LMX1B: variants seen among roughly 807,000 people sequenced by gnomAD.
The protein encoded by LMX1B is LIM homeobox transcription factor 1 beta.
Under a neutral mutation model 51.4 loss-of-function variants are expected in LMX1B, and 12 were observed. The ratio of observed to expected loss-of-function variants is 0.23; its 90% CI spans 0.15 to 0.38. LMX1B has a LOEUF of 0.38. Ranked by LOEUF, LMX1B falls within the 10% of genes least tolerant of loss-of-function variation. The pLI is 1.00. For missense variants in LMX1B, 445 were observed against 571.1 expected (o/e 0.78, Z 2.25); for synonymous variants, 237 against 235.4 (o/e 1.01, Z -0.06).
intron 2 of LMX1B, among the ~76,000 whole-genome samples, chr9:126,666,194 C>T (rs1190322262): frequency 6.6e-6 from 1 of 152,230 alleles, no homozygotes; most frequent in Non-Finnish European, 1.5e-5. Context: ...TCACCACCTC[C>T]TGGGGGGCAG....
chr9:126,671,000 T>C (rs1310841319), intron 2 of LMX1B, among the ~76,000 whole-genome samples: 2 of 152,140 alleles, frequency 1.3e-5, no homozygotes, highest in Non-Finnish European at 2.9e-5. Context: ...CTGCCACCAC[T>C]GTGGTTGTCT....
chr9:126,689,435 G>A (rs1272290765), intron 2 of LMX1B, among the ~76,000 whole-genome samples: 2 of 152,232 alleles, frequency 1.3e-5, no homozygotes, highest in African/African-American at 4.8e-5. Flanking sequence ...GATGGGATGT[G>A]CACAGCGCTC....
At position 126,666,349 on chromosome 9, in the gene LMX1B, G is replaced by T. The variant is rs75456427; in HGVS notation, c.327-24487G>T. 2.1e-3 allele frequency among the ~76,000 whole-genome samples: 326 copies of T among 152,320 alleles called. 1 individual carries two copies. Among genetic ancestry groups the T allele is most frequent in the African/African-American group, 7.4e-3 (306 of 41,572 alleles). ...GAGGGGACAGGGAGAGCCAAGGCAC[G>T]GAGTTGAGGCCACGGACCTCAGAGT... On this transcript the variant is annotated intron_variant, in intron 2 of 7. Coordinates refer to ENST00000373474, the MANE Select transcript of LMX1B (RefSeq NM_001174147.2).
chr9:126,696,660 G>A lies in LMX1B; in HGVS notation c.*209G>A. The A allele has an allele frequency of 1.7e-6, 1 of 599,202 alleles. No homozygotes were observed. Among genetic ancestry groups the A allele is most frequent in the Non-Finnish European group, 2.9e-6 (1 of 339,484 alleles). The allele number at this position is 599,202 out of a possible 1,614,324, so 37.1% of individuals were successfully genotyped here. A position where few individuals can be genotyped will look rare whatever the true frequency, so the allele number is the denominator to read the frequency against. ...ACAGCCTGGGCAGGGGCTGTGTCCT[G>A]CCCACAGAGACCTTGTCATCCCCAG... is the stretch of plus-strand genomic sequence containing the variant. On this transcript the variant is annotated 3_prime_UTR_variant, in exon 8 of 8. Transcript: ENST00000373474.
chr9:126,622,495 G>A (rs1835434085), intron 2 of LMX1B, among the ~76,000 whole-genome samples: 1 of 152,184 alleles, frequency 6.6e-6, no homozygotes, highest in Admixed American at 6.5e-5. Context: ...GGCCGCCAGG[G>A]GTCCCTCCCC....
At chr9:126,629,523 A>C (rs959999705) in intron 2 of LMX1B, among the ~76,000 whole-genome samples, 4 of 152,162 alleles carry the variant, frequency 2.6e-5, no homozygotes, top group Non-Finnish European at 5.9e-5. Context: ...TGTCACGAGA[A>C]AACTTTCAGC....
chr9:126,696,098 T>C, intron 7 of LMX1B, 95 bp downstream of exon 7: 1 of 1,236,158 alleles, frequency 8.1e-7, no homozygotes. Flanking sequence ...CCTGCTGCCC[T>C]AGGGCTCAGG....
chr9:126,692,484 G>A (rs565263060), intron 3 of LMX1B, among the ~76,000 whole-genome samples: 5 of 152,344 alleles, frequency 3.3e-5, no homozygotes, highest in South Asian at 4.1e-4. Flanking sequence ...ACATGCTTCC[G>A]CACGCTGTGT....
rs1215978589 is a variant in LMX1B at position 126,700,095 on chromosome 9, A to G, written c.*3644A>G. 1 of 152,198 alleles carries G rather than the reference A, an allele frequency of 6.6e-6. No homozygotes were observed. The highest frequency in any genetic ancestry group is 1.5e-5 in the Non-Finnish European group (1 of 68,054). 9.4% of individuals were successfully genotyped at this position (152,198 alleles called of 1,614,324 possible). A position where few individuals can be genotyped will look rare whatever the true frequency, so the allele number is the denominator to read the frequency against. ...GCAGAGGAGGGACAAAAAGCTGGGC[A>G]TGGCCCCAGCCAGAGCCTCATCTGC... is the stretch of plus-strand genomic sequence containing the variant. On this transcript the variant is annotated 3_prime_UTR_variant, in exon 8 of 8. Transcript: ENST00000373474.
intron 2 of LMX1B, among the ~76,000 whole-genome samples, chr9:126,645,081 C>T (rs569004957): frequency 1.3e-3 from 193 of 152,318 alleles, no homozygotes; most frequent in Non-Finnish European, 2.3e-3. Context: ...TGTTCCAGCT[C>T]GCTTTGAATC....
chr9:126,696,044 C>T (rs766070212), intron 7 of LMX1B, 41 bp downstream of exon 7: 3 of 1,455,850 alleles, frequency 2.1e-6, no homozygotes, highest in African/African-American at 1.5e-5. Context: ...CAGCACAGCC[C>T]CTGCCCCCTG....
chr9:126,648,493 T>G (rs973969163), intron 2 of LMX1B, among the ~76,000 whole-genome samples: 4 of 152,204 alleles, frequency 2.6e-5, no homozygotes, highest in African/African-American at 9.7e-5. Flanking sequence ...TCCTGTGAGC[T>G]GTGGTACCCA....
At chr9:126,619,367 T>A (rs1256385679) in intron 2 of LMX1B, among the ~76,000 whole-genome samples, 1 of 152,172 alleles carries the variant, frequency 6.6e-6, no homozygotes, top group Admixed American at 6.5e-5. Context: ...GGCTACTTCT[T>A]CTGCCAGCCT....
chr9:126,623,775 C>T (rs1457551858), intron 2 of LMX1B, among the ~76,000 whole-genome samples: 1 of 152,232 alleles, frequency 6.6e-6, no homozygotes, highest in African/African-American at 2.4e-5. Flanking sequence ...GGATTGCCCC[C>T]TGTAGGGCCA....
At chr9:126,669,796 A>T (rs2118941280) in intron 2 of LMX1B, among the ~76,000 whole-genome samples, 1 of 152,230 alleles carries the variant, frequency 6.6e-6, no homozygotes, top group South Asian at 2.1e-4. Flanking sequence ...AGGGCAGAAA[A>T]GGAGGTCATC....
intron 7 of LMX1B, 66 bp downstream of exon 7, chr9:126,696,069 C>T: frequency 7.1e-7 from 1 of 1,413,842 alleles, no homozygotes; most frequent in Non-Finnish European, 9.4e-7. Context: ...GCCAGGCAGG[C>T]CTGGGGCCAG....
chr9:126,621,038 G>T (rs1326751848), intron 2 of LMX1B, among the ~76,000 whole-genome samples: 1 of 152,172 alleles, frequency 6.6e-6, no homozygotes, highest in African/African-American at 2.4e-5. Flanking sequence ...TTCCACCCAT[G>T]GGTGGCTGGC....
intron 2 of LMX1B, among the ~76,000 whole-genome samples, chr9:126,670,012 G>A (rs958739299): frequency 1.6e-4 from 25 of 152,184 alleles, no homozygotes; most frequent in Admixed American, 6.5e-5. Context: ...CTAGGGGTGA[G>A]GTCACCCAAC....
At position 126,625,235 on chromosome 9, in the gene LMX1B, G is replaced by C. The variant is rs944866404; in HGVS notation, c.326+9666G>C. On this transcript the variant is annotated intron_variant, in intron 2 of 7. Coordinates refer to ENST00000373474, the MANE Select transcript of LMX1B (RefSeq NM_001174147.2). The surrounding 1 kb of genome is among the most constrained non-coding windows in gnomAD (Gnocchi z 5.3). ...CCTGACGCTTTTCGTTTCCGAGCGC[G>C]CTTGGGCCTCAGGAGCCGGAGCGTT... Among the ~76,000 whole-genome samples the C allele has an allele frequency of 6.6e-6, 1 of 152,246 alleles. No homozygotes were observed.
Sources: gnomAD v4.1 joint callset for allele counts (sites outside exome capture counted in the v4.1 genomes callset) on GRCh38, gnomAD v4.1.1 for gene constraint, Gnocchi (gnomAD v3.1) non-coding constraint, MANE v1.5 for transcripts, NCBI Gene and HGNC (gene_info 2026-07-23, HGNC 2026-07-21) for gene names.